Variants in C12orf50 observed in about 807,000 individuals in gnomAD.
The protein encoded by C12orf50 is zinc finger CCCH-type containing 11D.
C12orf50 carries 35 observed loss-of-function variants against 61.6 expected under a neutral mutation model. That is an observed-to-expected ratio of 0.57 (90% CI 0.43 to 0.75). The LOEUF (loss-of-function observed/expected upper bound fraction) is 0.75, where lower values mean the gene tolerates loss of function less well. Ranked by LOEUF, C12orf50 falls within the 30% of genes least tolerant of loss-of-function variation. The pLI is 0.00. For missense variants in C12orf50, 475 were observed against 488.5 expected (o/e 0.97, Z 0.26); for synonymous variants, 178 against 161.5 (o/e 1.10, Z -0.77).
At chr12:87,998,565 T>G (rs1473697879) in intron 3 of C12orf50, among the ~76,000 whole-genome samples, 3 of 152,168 alleles carry the variant, frequency 2.0e-5, no homozygotes, top group Admixed American at 6.5e-5. Context: ...ATATCCTTGT[T>G]TATGGACTGA....
intron 7 of C12orf50, among the ~76,000 whole-genome samples, 164 bp from the exon 8 acceptor site, chr12:87,989,535 C>A (rs2031019809): frequency 6.6e-6 from 1 of 151,994 alleles, no homozygotes; most frequent in Non-Finnish European, 1.5e-5. Flanking sequence ...TAGATTAATA[C>A]ATGAGTATTA....
chr12:88,018,459 C>G (rs1458084510), intron 3 of C12orf50, among the ~76,000 whole-genome samples: 1 of 152,230 alleles, frequency 6.6e-6, no homozygotes, highest in Non-Finnish European at 1.5e-5. Flanking sequence ...CATGAAGAAC[C>G]TCTGCTAGGG....
intron 3 of C12orf50, among the ~76,000 whole-genome samples, chr12:88,021,880 C>CAGAT (rs2032529731): frequency 1.3e-5 from 2 of 151,888 alleles, no homozygotes; most frequent in South Asian, 4.2e-4. Context: ...AACCCAGGGC[C>CAGAT]AGATAGATTC....
intron 7 of C12orf50, 56 bp downstream of exon 7, chr12:87,994,577 G>A: frequency 4.2e-6 from 5 of 1,186,354 alleles, no homozygotes; most frequent in Non-Finnish European, 6.1e-6. Context: ...ATAAAATTCA[G>A]ACTCATTTAT....
chr12:87,989,011 G>A (rs1592649092), intron 8 of C12orf50, among the ~76,000 whole-genome samples: 1 of 151,976 alleles, frequency 6.6e-6, no homozygotes, highest in East Asian at 1.9e-4. Flanking sequence ...TGCCATTTAA[G>A]AGAACCAGTA....
In C12orf50 at chr12:87,987,995, G is replaced by A. The variant is rs757336585; in HGVS notation, c.701-29C>T. On this transcript the variant is annotated intron_variant, in intron 8 of 12. Transcript: ENST00000298699. The stretch of plus-strand genomic sequence containing the variant: ...TTAAAGCAAATTAAGAAAATAAAAT[G>A]TCAATATTAGTTTTTAAAAAAAGCA... The A allele has an allele frequency of 1.3e-5, 18 of 1,419,900 alleles. No individual in the cohort carries two copies. The East Asian group carries it at 3.7e-4, about 29-fold the overall frequency. The allele number at this position is 1,419,900 out of a possible 1,614,324, so 88.0% of individuals were successfully genotyped here. A position where few individuals can be genotyped will look rare whatever the true frequency, so the allele number is the denominator to read the frequency against.
chr12:87,992,699 G>T (rs1194142225), intron 7 of C12orf50, among the ~76,000 whole-genome samples: 1 of 152,152 alleles, frequency 6.6e-6, no homozygotes, highest in Non-Finnish European at 1.5e-5. Context: ...ACCACTGGGA[G>T]AAGACTATTG....
chr12:88,014,901 C>A (rs1386285134), intron 3 of C12orf50, among the ~76,000 whole-genome samples: 1 of 152,140 alleles, frequency 6.6e-6, no homozygotes, highest in Non-Finnish European at 1.5e-5. Flanking sequence ...AATTAAACTG[C>A]AAGTTTATAA....
intron 8 of C12orf50, 120 bp downstream of exon 8, chr12:87,989,144 C>A: frequency 2.9e-6 from 2 of 678,664 alleles, no homozygotes; most frequent in Admixed American, 2.5e-5. Flanking sequence ...GCTCTTGACT[C>A]CTATTCAGTG....
chr12:88,027,225 G>A (rs1210013739), intron 1 of C12orf50, among the ~76,000 whole-genome samples, 155 bp from the exon 2 acceptor site: 1 of 152,172 alleles, frequency 6.6e-6, no homozygotes, highest in Non-Finnish European at 1.5e-5. Context: ...CTAAATTTTA[G>A]CAAATTAGTC....
intron 3 of C12orf50, among the ~76,000 whole-genome samples, chr12:88,014,399 T>G (rs111720837): frequency 0.085 from 12,970 of 152,212 alleles, 609 homozygotes; most frequent in African/African-American, 0.11. Context: ...CCTCCCAGGT[T>G]CATGCCATTC....
intron 3 of C12orf50, among the ~76,000 whole-genome samples, chr12:88,001,478 C>T (rs973310319): frequency 3.4e-5 from 5 of 149,230 alleles, no homozygotes; most frequent in Admixed American, 6.7e-5. Flanking sequence ...CTGCAGTTTT[C>T]GTCTGATGTC....
At chr12:87,982,352 G>T (rs2030532595) in intron 12 of C12orf50, among the ~76,000 whole-genome samples, 1 of 152,122 alleles carries the variant, frequency 6.6e-6, no homozygotes, top group Non-Finnish European at 1.5e-5. Context: ...ATGGAAAACA[G>T]TTATCCCCAG....
At chr12:87,995,884 C>T (rs181412249) in intron 6 of C12orf50, among the ~76,000 whole-genome samples, 16 of 152,228 alleles carry the variant, frequency 1.1e-4, no homozygotes, top group African/African-American at 3.6e-4. Context: ...CAAAGGTAAG[C>T]GCCATAAAAA....
intron 3 of C12orf50, among the ~76,000 whole-genome samples, chr12:88,009,758 T>C (rs1361205707): frequency 6.6e-6 from 1 of 152,150 alleles, no homozygotes; most frequent in East Asian, 1.9e-4. Context: ...CTTCAGGTCT[T>C]TCCTTGGAGT....
chr12:88,018,762 G>T (rs1468126107), intron 3 of C12orf50, among the ~76,000 whole-genome samples: 5 of 152,208 alleles, frequency 3.3e-5, no homozygotes, highest in Non-Finnish European at 5.9e-5. Flanking sequence ...AGTCAAAGGA[G>T]ATCATTTTGA....
chr12:88,006,460 G>A (rs2031888295), intron 3 of C12orf50, among the ~76,000 whole-genome samples: 1 of 152,286 alleles, frequency 6.6e-6, no homozygotes, highest in East Asian at 1.9e-4. Context: ...CAAAATCTCA[G>A]TGCTAATGCT....
At chr12:88,000,272 T>C (rs1006293423) in intron 3 of C12orf50, among the ~76,000 whole-genome samples, 1 of 152,126 alleles carries the variant, frequency 6.6e-6, no homozygotes, top group Non-Finnish European at 1.5e-5. Flanking sequence ...GCACCATTTG[T>C]CGAAAATACT....
chr12:88,011,813 G>A (rs777221781), intron 3 of C12orf50, among the ~76,000 whole-genome samples: 4 of 152,182 alleles, frequency 2.6e-5, no homozygotes, highest in African/African-American at 7.2e-5. Context: ...TCTGAGGTCA[G>A]TTCTGTCCCT....
Sources: allele counts gnomAD v4.1 joint callset (sites outside exome capture counted in the v4.1 genomes callset), GRCh38; gene constraint gnomAD v4.1.1; transcripts MANE v1.5; gene names NCBI Gene and HGNC (gene_info 2026-07-23, HGNC 2026-07-21).